Variants in NRXN1 observed in about 807,000 individuals in gnomAD.
NRXN1 encodes neurexin-1.
A neutral mutation model predicts 150.9 loss-of-function variants in NRXN1; 39 were observed. The observed-to-expected ratio is 0.26, with a 90% CI of 0.20 to 0.34. NRXN1 has a LOEUF of 0.34. Among genes scored for constraint, NRXN1 ranks in the 10% least tolerant of loss-of-function variants. The pLI is 1.00. For missense variants in NRXN1, 1,815 were observed against 1,949.9 expected (o/e 0.93, Z 1.30); for synonymous variants, 924 against 757.0 (o/e 1.22, Z -3.62).
At chr2:50,171,280 A>T (rs2060016800) in intron 18 of NRXN1, among the ~76,000 whole-genome samples, 2 of 151,414 alleles carry the variant, frequency 1.3e-5, no homozygotes, top group African/African-American at 4.8e-5. Flanking sequence ...AGAGCATTTT[A>T]TATATATATA....
intron 5 of NRXN1, among the ~76,000 whole-genome samples, chr2:50,847,663 A>G (rs985105931): frequency 7.9e-5 from 12 of 152,144 alleles, no homozygotes; most frequent in African/African-American, 2.9e-4. Flanking sequence ...TACCCTGAGG[A>G]GCACATCAGC....
intron 18 of NRXN1, among the ~76,000 whole-genome samples, chr2:50,150,132 C>A (rs1332446658): frequency 6.6e-6 from 1 of 151,740 alleles, no homozygotes; most frequent in Non-Finnish European, 1.5e-5. Flanking sequence ...AGAAATCACA[C>A]TTGATCACTT....
At chr2:50,608,378 G>A (rs988501043) in intron 8 of NRXN1, among the ~76,000 whole-genome samples, 1 of 152,054 alleles carries the variant, frequency 6.6e-6, no homozygotes, top group Non-Finnish European at 1.5e-5. Context: ...TCATGGGAAG[G>A]GGCATGAGTC....
chr2:50,658,335 TCA>T (rs1169828664), intron 5 of NRXN1, among the ~76,000 whole-genome samples: 3 of 150,440 alleles, frequency 2.0e-5, no homozygotes, highest in Non-Finnish European at 3.0e-5. Context: ...GTGGTGAGCC[TCA>T]GAAACAGGGC....
At chr2:50,580,420 T>C (rs1193387110) in intron 8 of NRXN1, among the ~76,000 whole-genome samples, 1 of 152,180 alleles carries the variant, frequency 6.6e-6, no homozygotes, top group Non-Finnish European at 1.5e-5. Context: ...TTCAACACAT[T>C]GGTGTTAATT....
intron 2 of NRXN1, among the ~76,000 whole-genome samples, chr2:50,979,769 A>G (rs1352656975): frequency 1.3e-5 from 2 of 152,122 alleles, no homozygotes; most frequent in Non-Finnish European, 2.9e-5. Context: ...CTACTCAGTA[A>G]GCAACCAACA....
chr2:50,268,053 G>C (rs2069110068), intron 17 of NRXN1, among the ~76,000 whole-genome samples: 1 of 152,018 alleles, frequency 6.6e-6, no homozygotes, highest in South Asian at 2.1e-4. Flanking sequence ...AGCTGGGTGT[G>C]GTAACGTGCA....
At chr2:50,979,220 A>G in intron 2 of NRXN1, 1 of 514,538 alleles carries the variant, frequency 1.9e-6, no homozygotes, top group Non-Finnish European at 3.9e-6. Flanking sequence ...CCTCTGTGAT[A>G]TGAGAAAAGA....
In NRXN1 at chr2:51,022,199, G is replaced by A. The variant is rs566061111; in HGVS notation, c.772+5303C>T. Reference sequence around the variant, plus strand: ...GAGGTAATAGTAACAAAAGTAACACGTGGACACTTACAAAATGCTTACTAT... The same window carrying A: ...GAGGTAATAGTAACAAAAGTAACACATGGACACTTACAAAATGCTTACTAT... On this transcript the variant is annotated intron_variant, in intron 2 of 22. Transcript: ENST00000401669. Among the ~76,000 whole-genome samples, 11 of 152,222 alleles carry A rather than the reference G, an allele frequency of 7.2e-5. No individual in the cohort carries two copies. In the South Asian group the frequency reaches 2.1e-3, roughly 29 times the overall value.
intron 21 of NRXN1, among the ~76,000 whole-genome samples, chr2:49,959,391 C>T (rs1004980181): frequency 6.6e-6 from 1 of 152,214 alleles, no homozygotes; most frequent in East Asian, 1.9e-4. Context: ...CCAGCTGTAT[C>T]TATCCAGAGT....
chr2:50,220,441 A>G (rs2063797488), intron 18 of NRXN1, among the ~76,000 whole-genome samples: 1 of 151,904 alleles, frequency 6.6e-6, no homozygotes, highest in African/African-American at 2.4e-5. Flanking sequence ...TTGAAATACA[A>G]ATGCTTTTTC....
intron 18 of NRXN1, among the ~76,000 whole-genome samples, chr2:50,223,424 T>C (rs552382949): frequency 2.0e-4 from 30 of 152,106 alleles, no homozygotes; most frequent in Admixed American, 3.9e-4. Context: ...TTTAGGTATT[T>C]GGAGGCGGAG....
At chr2:50,972,801 G>C (rs1558514789) in intron 2 of NRXN1, among the ~76,000 whole-genome samples, 2 of 152,140 alleles carry the variant, frequency 1.3e-5, no homozygotes, top group African/African-American at 4.8e-5. Context: ...GTGGAGCTCA[G>C]GCAGTAATGT....
intron 2 of NRXN1, among the ~76,000 whole-genome samples, chr2:50,989,678 A>T (rs1698253653): frequency 6.6e-6 from 1 of 152,022 alleles, no homozygotes; most frequent in Admixed American, 6.6e-5. Context: ...GATGTACCCC[A>T]GTCTGTCTAT....
chr2:50,885,717 T>C (rs1479756062), intron 5 of NRXN1, among the ~76,000 whole-genome samples: 1 of 151,312 alleles, frequency 6.6e-6, no homozygotes, highest in Admixed American at 6.6e-5. Flanking sequence ...TCCACTTAAA[T>C]ATGCCTGATG....
intron 5 of NRXN1, among the ~76,000 whole-genome samples, chr2:50,645,517 T>C (rs1245579837): frequency 1.3e-5 from 2 of 151,940 alleles, no homozygotes; most frequent in African/African-American, 2.4e-5. Flanking sequence ...AAACGTGAGC[T>C]CCATGAAGGC....
At chr2:49,936,092 C>T (rs1239673109) in intron 22 of NRXN1, among the ~76,000 whole-genome samples, 1 of 152,188 alleles carries the variant, frequency 6.6e-6, no homozygotes, top group Non-Finnish European at 1.5e-5. Context: ...ATGCTGTACT[C>T]ACTACTGAAC....
intron 5 of NRXN1, among the ~76,000 whole-genome samples, chr2:50,723,743 A>G (rs755012682): frequency 2.0e-5 from 3 of 152,188 alleles, no homozygotes; most frequent in Non-Finnish European, 4.4e-5. Flanking sequence ...TGCAGACACA[A>G]CGTGGTCAGG....
In NRXN1 at chr2:50,559,859, T is replaced by G. The variant is rs543090520; in HGVS notation, c.1321-6834A>C. Among the ~76,000 whole-genome samples the G allele has an allele frequency of 2.6e-3, 398 of 152,258 alleles. 2 individuals are homozygous for G. The highest frequency in any genetic ancestry group is 4.0e-3 in the Non-Finnish European group (274 of 68,004). On this transcript the variant is annotated intron_variant, in intron 8 of 22. Transcript: ENST00000401669. ...ATTTGAAAATTTCAAAAATTAGAAA[T>G]TTGGTTTAAGCACAAAGATGGTCCT...
Sources: allele counts gnomAD v4.1 joint callset (sites outside exome capture counted in the v4.1 genomes callset), GRCh38; gene constraint gnomAD v4.1.1; transcripts MANE v1.5; gene names NCBI Gene and HGNC (gene_info 2026-07-23, HGNC 2026-07-21).